The following ARFIP1 variants were observed in gnomAD, a reference collection of about 807,000 sequenced individuals.
ARFIP1 encodes the protein ARF interacting protein 1, also known as arfaptin-1.
A neutral mutation model predicts 42.5 loss-of-function variants in ARFIP1; 24 were observed. The observed-to-expected ratio is 0.57, with a 90% CI of 0.41 to 0.80. The LOEUF (loss-of-function observed/expected upper bound fraction) is 0.80, where lower values mean the gene tolerates loss of function less well. Ranked by LOEUF, ARFIP1 falls within the 30% of genes least tolerant of loss-of-function variation. ARFIP1 has a pLI of 0.00. For missense variants in ARFIP1, 354 were observed against 434.0 expected, an observed-to-expected ratio of 0.82 and a Z score of 1.64; for synonymous variants, 141 against 153.7, an observed-to-expected ratio of 0.92 and a Z score of 0.61.
intron 1 of ARFIP1, among the ~76,000 whole-genome samples, chr4:152,814,229 C>A (rs1445150683): frequency 6.6e-6 from 1 of 151,758 alleles, no homozygotes; most frequent in African/African-American, 2.4e-5. Context: ...TAGCTGAGAC[C>A]ACAGGTGCGC....
intron 1 of ARFIP1, among the ~76,000 whole-genome samples, chr4:152,815,955 G>A (rs556335134): frequency 8.6e-4 from 131 of 151,616 alleles, no homozygotes; most frequent in African/African-American, 3.1e-3. Context: ...CGTTTTAGCC[G>A]GGATGGTCTC....
At chr4:152,782,594 A>AT (rs1407128469) in intron 1 of ARFIP1, among the ~76,000 whole-genome samples, 2 of 151,692 alleles carry the variant, frequency 1.3e-5, no homozygotes, top group Non-Finnish European at 2.9e-5. Context: ...CATTTTCTTA[A>AT]TTTTTTTTGC....
At chr4:152,859,209 A>G (rs572229791) in intron 2 of ARFIP1, among the ~76,000 whole-genome samples, 1 of 152,208 alleles carries the variant, frequency 6.6e-6, no homozygotes, top group East Asian at 1.9e-4. Flanking sequence ...CTATAGGCTC[A>G]TGCCACCATG....
Position 152,845,780 on chromosome 4 carries a change from G to A in ARFIP1, c.93+16054G>A, listed in dbSNP as rs965376301. On this transcript the variant is annotated intron_variant, in intron 2 of 8. Coordinates refer to ENST00000353617, the MANE Select transcript of ARFIP1 (RefSeq NM_001025595.3). ...TAAATTAGTTCAACCACTGTGGAAA[G>A]CAGTTTGGAGATTTCCCAAGGAACT... Among the ~76,000 whole-genome samples, 8 of 152,204 alleles carry A rather than the reference G, an allele frequency of 5.3e-5. No homozygotes were observed. In the South Asian group the frequency reaches 6.2e-4, roughly 12 times the overall value.
At position 152,851,833 on chromosome 4, in the gene ARFIP1, A is replaced by T. The variant is rs188100570; in HGVS notation, c.94-11773A>T. 3.5e-3 allele frequency among the ~76,000 whole-genome samples: 537 copies of T among 152,336 alleles called. 4 individuals carry two copies. The highest frequency in any genetic ancestry group is 6.6e-3 in the Admixed American group (101 of 15,298). ...TACAGTTCAAAAGTATTACCATGCT[A>T]AATTTTAAGTTCTAAACTTATGTTT... On this transcript the variant is annotated intron_variant, in intron 2 of 8. Transcript: ENST00000353617.
chr4:152,788,162 G>A (rs1038927698), intron 1 of ARFIP1, among the ~76,000 whole-genome samples: 54 of 152,314 alleles, frequency 3.5e-4, no homozygotes, highest in African/African-American at 1.1e-3. Context: ...AACCTGGGAG[G>A]CAGAGGTTGC....
intron 5 of ARFIP1, among the ~76,000 whole-genome samples, chr4:152,878,586 C>G (rs1015664455): frequency 3.3e-5 from 5 of 152,104 alleles, no homozygotes; most frequent in African/African-American, 1.2e-4. Flanking sequence ...ATATGTGAAT[C>G]TAGTTTTACA....
chr4:152,804,255 C>T (rs866290576), intron 1 of ARFIP1, among the ~76,000 whole-genome samples: 14 of 57,574 alleles, frequency 2.4e-4, no homozygotes, highest in African/African-American at 8.3e-4. Context: ...TATAATATAA[C>T]ATGTATTATA....
intron 2 of ARFIP1, among the ~76,000 whole-genome samples, chr4:152,854,393 A>G (rs1466066024): frequency 1.3e-5 from 2 of 151,594 alleles, no homozygotes; most frequent in Non-Finnish European, 2.9e-5. Context: ...ATTTCTCTCT[A>G]TTGTTTTTCA....
At chr4:152,904,180 G>A (rs62320561) in intron 8 of ARFIP1, among the ~76,000 whole-genome samples, 67,918 of 129,876 alleles carry the variant, frequency 0.52, 17,291 homozygotes, top group Admixed American at 0.62. Flanking sequence ...GTGTGTGTGT[G>A]TATATATATA....
chr4:152,857,276 G>A (rs957395534), intron 2 of ARFIP1, among the ~76,000 whole-genome samples: 13 of 152,140 alleles, frequency 8.5e-5, no homozygotes, highest in African/African-American at 3.1e-4. Flanking sequence ...CTATTAGTGC[G>A]CTTAAACCGA....
chr4:152,785,618 C>A (rs1730756624), intron 1 of ARFIP1, among the ~76,000 whole-genome samples: 1 of 152,180 alleles, frequency 6.6e-6, no homozygotes, highest in Non-Finnish European at 1.5e-5. Context: ...ATTATAAATT[C>A]TTGAAATAAA....
chr4:152,812,604 C>CAT (rs1172944653), intron 1 of ARFIP1, among the ~76,000 whole-genome samples: 2 of 152,216 alleles, frequency 1.3e-5, no homozygotes, highest in Non-Finnish European at 2.9e-5. Context: ...ATGTTTTCAG[C>CAT]CTGGAGCTCT....
At chr4:152,827,385 C>G (rs745611653) in intron 1 of ARFIP1, among the ~76,000 whole-genome samples, 1 of 152,142 alleles carries the variant, frequency 6.6e-6, no homozygotes, top group Non-Finnish European at 1.5e-5. Context: ...GTGGTACATT[C>G]GTTAAAATTG....
At chr4:152,824,889 A>C (rs1023626507) in intron 1 of ARFIP1, among the ~76,000 whole-genome samples, 1 of 152,134 alleles carries the variant, frequency 6.6e-6, no homozygotes, top group African/African-American at 2.4e-5. Context: ...ACTGCTATAC[A>C]CCAACAACAG....
chr4:152,879,588 G>A (rs1735655971), intron 5 of ARFIP1, among the ~76,000 whole-genome samples: 1 of 152,226 alleles, frequency 6.6e-6, no homozygotes, highest in Non-Finnish European at 1.5e-5. Context: ...GGTGGCTTAT[G>A]CCTGTAATCC....
chr4:152,837,571 ATCT>A (rs1731755575), intron 2 of ARFIP1, among the ~76,000 whole-genome samples: 1 of 152,084 alleles, frequency 6.6e-6, no homozygotes, highest in South Asian at 2.1e-4. Context: ...CCATTTGTAT[ATCT>A]TCTTTTGAGA....
At chr4:152,801,469 G>A (rs1728412482) in intron 1 of ARFIP1, among the ~76,000 whole-genome samples, 1 of 152,248 alleles carries the variant, frequency 6.6e-6, no homozygotes, top group South Asian at 2.1e-4. Flanking sequence ...CAGCTAGGAT[G>A]GCTTTCCCTA....
At chr4:152,786,563 C>G (rs576385039) in intron 1 of ARFIP1, among the ~76,000 whole-genome samples, 1 of 152,194 alleles carries the variant, frequency 6.6e-6, no homozygotes, top group East Asian at 1.9e-4. Flanking sequence ...TTGCCTGAAA[C>G]TTTTACAATA....
Sources: gnomAD v4.1 joint callset for allele counts (sites outside exome capture counted in the v4.1 genomes callset) on GRCh38, gnomAD v4.1.1 for gene constraint, MANE v1.5 for transcripts, NCBI Gene and HGNC (gene_info 2026-07-23, HGNC 2026-07-21) for gene names.